Variants in CDKAL1 observed in about 807,000 individuals in gnomAD.
The protein encoded by CDKAL1 is threonylcarbamoyladenosine tRNA methylthiotransferase.
In CDKAL1, 32 loss-of-function variants were observed where a neutral mutation model predicts 68.2. The ratio of observed to expected loss-of-function variants is 0.47; its 90% CI spans 0.35 to 0.63. CDKAL1 has a LOEUF of 0.63. Among genes scored for constraint, CDKAL1 ranks in the 30% least tolerant of loss-of-function variants. CDKAL1 has a pLI of 0.00. For missense variants in CDKAL1, 606 were observed against 696.7 expected, an observed-to-expected ratio of 0.87 and a Z score of 1.47; for synonymous variants, 234 against 244.3, an observed-to-expected ratio of 0.96 and a Z score of 0.39.
chr6:20,538,101 A>G (rs974163428), intron 2 of CDKAL1, among the ~76,000 whole-genome samples: 1 of 152,214 alleles, frequency 6.6e-6, no homozygotes, highest in Non-Finnish European at 1.5e-5. Context: ...GTTGCCCTCC[A>G]GAAGGGGTGT....
rs188585216 is a variant in CDKAL1 at position 21,078,216 on chromosome 6, A to G, written c.1236+12988A>G. On this transcript the variant is annotated intron_variant, in intron 12 of 15. Transcript: ENST00000274695. ...AACTTGTACACTATGGAATATTTTGATCTGAGAACATTGTCTGGCTTTTCG... is the reference window on the plus strand; with the variant it reads ...AACTTGTACACTATGGAATATTTTGGTCTGAGAACATTGTCTGGCTTTTCG... 4.6e-5 allele frequency among the ~76,000 whole-genome samples: 7 copies of G among 152,256 alleles called. No individual in the cohort carries two copies. In the East Asian group the frequency reaches 1.2e-3, roughly 25 times the overall value.
intron 7 of CDKAL1, among the ~76,000 whole-genome samples, chr6:20,770,535 C>T (rs575042699): frequency 4.3e-4 from 66 of 152,268 alleles, no homozygotes; most frequent in African/African-American, 1.5e-3. Context: ...ATATTCATAA[C>T]TTTCAATCTT....
intron 9 of CDKAL1, among the ~76,000 whole-genome samples, chr6:20,863,483 T>TATGC (rs1759753326): frequency 6.6e-6 from 1 of 151,862 alleles, no homozygotes; most frequent in African/African-American, 2.4e-5. Flanking sequence ...TGAATGAATG[T>TATGC]ATGCATGCAT....
At chr6:20,986,716 C>T (rs545643478) in intron 10 of CDKAL1, among the ~76,000 whole-genome samples, 30 of 151,150 alleles carry the variant, frequency 2.0e-4, no homozygotes, top group Non-Finnish European at 3.4e-4. Flanking sequence ...TCTAAATATA[C>T]TTTTAAAGAT....
intron 11 of CDKAL1, among the ~76,000 whole-genome samples, chr6:21,053,663 T>G (rs1176997905): frequency 6.6e-6 from 1 of 152,194 alleles, no homozygotes; most frequent in Admixed American, 6.5e-5. Flanking sequence ...GGTACAGCCA[T>G]TCTACTGGAT....
chr6:20,722,379 A>G (rs1772421801), intron 5 of CDKAL1: 2 of 219,600 alleles, frequency 9.1e-6, no homozygotes, highest in Admixed American at 8.8e-5. Context: ...CCGGTTCAAA[A>G]TGCTTGCTTC....
intron 13 of CDKAL1, among the ~76,000 whole-genome samples, chr6:21,118,885 G>C (rs558538165): frequency 1.9e-4 from 29 of 152,334 alleles, no homozygotes; most frequent in African/African-American, 6.7e-4. Flanking sequence ...TTTTAATTAC[G>C]TTGAAGTATA....
intron 5 of CDKAL1, among the ~76,000 whole-genome samples, chr6:20,676,122 GTTA>G (rs1307346612): frequency 6.6e-6 from 1 of 151,986 alleles, no homozygotes; most frequent in East Asian, 1.9e-4. Context: ...TAAGGTAATC[GTTA>G]TTATGAGTCA....
At chr6:20,862,662 T>TG in intron 9 of CDKAL1, among the ~76,000 whole-genome samples, 1 of 133,878 alleles carries the variant, frequency 7.5e-6, no homozygotes, top group South Asian at 2.4e-4. Flanking sequence ...TGTGTGTGTG[T>TG]GCGCGCGTGC....
chr6:20,650,637 G>A (rs1309157282), intron 5 of CDKAL1, among the ~76,000 whole-genome samples: 2 of 152,154 alleles, frequency 1.3e-5, no homozygotes, highest in African/African-American at 2.4e-5. Flanking sequence ...CTGTGCCTAT[G>A]TCCTGAATGG....
intron 9 of CDKAL1, among the ~76,000 whole-genome samples, chr6:20,894,311 T>C (rs1761560482): frequency 6.6e-6 from 1 of 152,020 alleles, no homozygotes; most frequent in African/African-American, 2.4e-5. Flanking sequence ...ACCATTCAGA[T>C]GGTCTTCCTA....
At chr6:20,869,035 C>A (rs1332195221) in intron 9 of CDKAL1, among the ~76,000 whole-genome samples, 2 of 152,168 alleles carry the variant, frequency 1.3e-5, no homozygotes, top group Non-Finnish European at 2.9e-5. Context: ...GCAGCACCAT[C>A]TGGTAGATTC....
chr6:20,780,479 G>A (rs946792540), intron 7 of CDKAL1, among the ~76,000 whole-genome samples: 1 of 151,984 alleles, frequency 6.6e-6, no homozygotes, highest in Admixed American at 6.6e-5. Flanking sequence ...TTTCTGCAAT[G>A]TAATGGCAGG....
intron 8 of CDKAL1, among the ~76,000 whole-genome samples, chr6:20,839,037 C>T (rs1306812702): frequency 6.6e-6 from 1 of 151,428 alleles, no homozygotes; most frequent in East Asian, 1.9e-4. Context: ...ATTTATTCTA[C>T]ATATTGTGTG....
intron 5 of CDKAL1, among the ~76,000 whole-genome samples, chr6:20,677,439 A>G (rs1770169104): frequency 1.4e-5 from 2 of 147,792 alleles, no homozygotes; most frequent in African/African-American, 2.5e-5. Flanking sequence ...TTTTTTTTAG[A>G]TGGAGTTTTA....
intron 15 of CDKAL1, among the ~76,000 whole-genome samples, chr6:21,207,332 G>T (rs1450364835): frequency 6.6e-6 from 1 of 152,162 alleles, no homozygotes; most frequent in African/African-American, 2.4e-5. Context: ...TTTAAGAACA[G>T]CCTAGCACCA....
Position 20,955,439 on chromosome 6 carries a change from T to C in CDKAL1, c.763T>C (p.Leu255=). Residue 255 remains leucine (L), a synonymous_variant, in exon 10 of 16, where the codon TTG becomes CTG. Coordinates refer to ENST00000274695, the MANE Select transcript of CDKAL1 (RefSeq NM_017774.3). ...CACAGAGGGTGTTTGTGAGATATGG[T>C]TGACCAGTGAAGACACGGGGGCTTA... is the stretch of plus-strand genomic sequence containing the variant. The part of the protein sequence containing the change: ...SFQEGVCEIW[L]TSEDTGAYGR... 1 of 1,614,156 alleles carries C rather than the reference T, an allele frequency of 6.2e-7. No individual in the cohort carries two copies. The highest frequency in any genetic ancestry group is 1.1e-5 in the South Asian group (1 of 91,076).
At position 20,537,127 on chromosome 6, in the gene CDKAL1, T is replaced by C. The variant is rs375972049; in HGVS notation, c.-6+1733T>C. On this transcript the variant is annotated intron_variant, in intron 2 of 15. Transcript: ENST00000274695. Reference sequence around the variant, plus strand: ...TGATCTCGGCTCACTGCAAGCTTAGTTGGGAATTTTCAAAAGCTCTTCAGG... The same window carrying C: ...TGATCTCGGCTCACTGCAAGCTTAGCTGGGAATTTTCAAAAGCTCTTCAGG... Among the ~76,000 whole-genome samples the C allele has an allele frequency of 3.1e-4, 47 of 152,146 alleles. 1 individual carries two copies. In the South Asian group the frequency reaches 3.7e-3, roughly 12 times the overall value.
rs529008801 is a variant in CDKAL1, at chr6:21,134,055, C to T, written c.1299+25592C>T. On this transcript the variant is annotated intron_variant, in intron 13 of 15. Coordinates refer to ENST00000274695, the MANE Select transcript of CDKAL1 (RefSeq NM_017774.3). ...CATCAAATGTAGGTCATCCATTTGC[C>T]GGGGTCGTGGGGGCGTATGTGGCCG... 5.3e-5 allele frequency among the ~76,000 whole-genome samples: 8 copies of T among 152,154 alleles called. No homozygotes were observed. In the South Asian group the frequency reaches 1.0e-3, roughly 20 times the overall value.
Sources: gnomAD v4.1 joint callset for allele counts (sites outside exome capture counted in the v4.1 genomes callset) on GRCh38, gnomAD v4.1.1 for gene constraint, MANE v1.5 for transcripts, NCBI Gene and HGNC (gene_info 2026-07-23, HGNC 2026-07-21) for gene names.